AGBL1: variants seen among roughly 807,000 people sequenced by gnomAD.
AGBL1 encodes AGBL carboxypeptidase 1.
In AGBL1, 130 loss-of-function variants were observed where a neutral mutation model predicts 118.9. The observed-to-expected ratio is 1.09, with a 90% confidence interval of 0.95 to 1.26. The LOEUF (loss-of-function observed/expected upper bound fraction) is 1.26. Among genes scored for constraint, AGBL1 ranks in the 50% most tolerant of loss-of-function variants. The pLI, the probability that AGBL1 is intolerant of heterozygous loss-of-function variation, is 0.00. For synonymous variants in AGBL1, 555 were observed against 478.9 expected (o/e 1.16, Z -2.08); for missense variants, 1,584 against 1,298.1 (o/e 1.22, Z -3.38).
chr15:86,599,934 C>A (rs1234492152), intron 21 of AGBL1, among the ~76,000 whole-genome samples: 1 of 151,998 alleles, frequency 6.6e-6, no homozygotes, highest in Non-Finnish European at 1.5e-5. Flanking sequence ...ATAATAAAAA[C>A]CCCCATATTG....
chr15:86,088,063 C>G (rs1373214909), intron 1 of AGBL1: 1 of 152,300 alleles, frequency 6.6e-6, no homozygotes, highest in African/African-American at 2.4e-5. Context: ...GTTGCAACTA[C>G]TCAACCCTGC....
chr15:86,100,006 T>G (rs1450934898), intron 1 of AGBL1, among the ~76,000 whole-genome samples: 1 of 152,190 alleles, frequency 6.6e-6, no homozygotes, highest in Non-Finnish European at 1.5e-5. Context: ...GTGTTTCTTC[T>G]ATGTTTAATT....
chr15:86,346,715 C>A (rs2080543635), intron 17 of AGBL1, among the ~76,000 whole-genome samples: 1 of 152,154 alleles, frequency 6.6e-6, no homozygotes, highest in South Asian at 2.1e-4. Flanking sequence ...GCACTGCTGA[C>A]CTGGAAATCT....
In AGBL1 at chr15:86,244,181, C is replaced by T. The variant is rs535641105; in HGVS notation, c.527-3490C>T. Among the ~76,000 whole-genome samples the T allele has an allele frequency of 4.0e-5, 6 of 151,896 alleles. No individual in the cohort carries two copies. In the East Asian group the frequency reaches 5.8e-4, roughly 15 times the overall value. On this transcript the variant is annotated intron_variant, in intron 6 of 22. Coordinates refer to ENST00000614907, the MANE Select transcript of AGBL1 (RefSeq NM_001386094.1). ...TGTTTCAAGGAAAATCTTAGGAAAA[C>T]GCTGTTTATGTAAACAGACTATAGC... is the stretch of plus-strand genomic sequence containing the variant.
intron 18 of AGBL1, among the ~76,000 whole-genome samples, chr15:86,410,879 TATA>T (rs1251071061): frequency 4.6e-5 from 3 of 65,822 alleles, no homozygotes; most frequent in South Asian, 1.0e-3. Context: ...TAATATATAT[TATA>T]ATATATATTA....
At position 86,134,602 on chromosome 15, in the gene AGBL1, GCCTTTT is replaced by G. The variant is rs1366357421; in HGVS notation, c.52-7401_52-7396del. Among the ~76,000 whole-genome samples the G allele has an allele frequency of 2.1e-3, 264 of 127,002 alleles. 7 individuals are homozygous for G. The highest frequency in any genetic ancestry group is 0.013 in the East Asian group (55 of 4,194). The allele number at this position is 127,002 out of a possible 152,430, so 83.3% of individuals were successfully genotyped here. A position where few individuals can be genotyped will look rare whatever the true frequency, so the allele number is the denominator to read the frequency against. On this transcript the variant is annotated intron_variant, in intron 1 of 22. Transcript: ENST00000614907. ...TTTAAGACTGTGATGGATCAATGGT[GCCTTTT>G]TTTTTTTTTTTTTTTTTTTTTTTGA...
chr15:86,895,214 G>A (rs1275095969), intron 22 of AGBL1, among the ~76,000 whole-genome samples: 3 of 144,750 alleles, frequency 2.1e-5, no homozygotes, highest in Non-Finnish European at 4.5e-5. Context: ...TTTGTTTTTA[G>A]ATGTAAAACA....
chr15:86,556,177 G>C (rs777637959), intron 21 of AGBL1: 2 of 1,514,992 alleles, frequency 1.3e-6, no homozygotes, highest in Non-Finnish European at 9.1e-7. Context: ...GTTTGAAAAT[G>C]AAATGACTCA....
At chr15:86,301,504 A>C (rs966545634) in intron 17 of AGBL1, among the ~76,000 whole-genome samples, 1 of 152,116 alleles carries the variant, frequency 6.6e-6, no homozygotes, top group Non-Finnish European at 1.5e-5. Flanking sequence ...CTTTAATAAA[A>C]GAAGTCAGAG....
chr15:86,650,117 G>A (rs961635263), intron 21 of AGBL1, among the ~76,000 whole-genome samples: 4 of 152,114 alleles, frequency 2.6e-5, no homozygotes, highest in African/African-American at 9.7e-5. Context: ...TGTGGCACAG[G>A]GGGCATTTAG....
At chr15:86,283,403 A>G (rs934401197) in intron 16 of AGBL1, among the ~76,000 whole-genome samples, 1 of 151,238 alleles carries the variant, frequency 6.6e-6, no homozygotes, top group Non-Finnish European at 1.5e-5. Context: ...CTTAAAGGAT[A>G]GAGCAGAATT....
chr15:86,092,584 A>G (rs547601553), intron 1 of AGBL1, among the ~76,000 whole-genome samples: 15 of 152,142 alleles, frequency 9.9e-5, no homozygotes, highest in Middle Eastern at 3.2e-3. Flanking sequence ...AAACTCTGGT[A>G]TTTTTGCCTC....
intron 22 of AGBL1, among the ~76,000 whole-genome samples, chr15:86,890,265 G>A (rs1166068719): frequency 6.6e-6 from 1 of 152,008 alleles, no homozygotes; most frequent in Non-Finnish European, 1.5e-5. Context: ...AATTGTTTAA[G>A]TTCCTTGTAG....
chr15:86,831,084 T>C lies in AGBL1; in HGVS notation c.3159-76003T>C, dbSNP rs114789487. Among the ~76,000 whole-genome samples, 360 of 152,268 alleles carry C rather than the reference T, an allele frequency of 2.4e-3. 4 individuals are homozygous for C. The highest frequency in any genetic ancestry group is 8.3e-3 in the African/African-American group (343 of 41,562). ...GCATGTGCAGGAGACCTCTTCTATG[T>C]AACACCATCAGATCTCCTGAGACTT... On this transcript the variant is annotated intron_variant, in intron 22 of 22. Coordinates refer to ENST00000614907, the MANE Select transcript of AGBL1 (RefSeq NM_001386094.1).
intron 22 of AGBL1, among the ~76,000 whole-genome samples, chr15:86,876,966 C>G (rs2079818751): frequency 6.6e-6 from 1 of 152,106 alleles, no homozygotes; most frequent in Non-Finnish European, 1.5e-5. Context: ...AATAGCAATA[C>G]AATCCGTATT....
At chr15:86,658,448 C>T (rs543954600) in intron 21 of AGBL1, among the ~76,000 whole-genome samples, 1 of 152,140 alleles carries the variant, frequency 6.6e-6, no homozygotes, top group African/African-American at 2.4e-5. Flanking sequence ...GACTAATGGA[C>T]ACTGACACCT....
At chr15:86,413,502 G>A (rs1018514620) in intron 18 of AGBL1, among the ~76,000 whole-genome samples, 18 of 151,944 alleles carry the variant, frequency 1.2e-4, no homozygotes, top group Non-Finnish European at 2.4e-4. Flanking sequence ...GTCTATAAGT[G>A]GTCCCTTTTC....
At chr15:86,124,468 A>G (rs1898294475) in intron 1 of AGBL1, among the ~76,000 whole-genome samples, 1 of 152,212 alleles carries the variant, frequency 6.6e-6, no homozygotes, top group African/African-American at 2.4e-5. Context: ...CAATAACACA[A>G]CAGGTTATAA....
intron 18 of AGBL1, among the ~76,000 whole-genome samples, chr15:86,430,686 CAAAGA>C (rs1445375584): frequency 6.6e-6 from 1 of 152,066 alleles, no homozygotes; most frequent in Non-Finnish European, 1.5e-5. Flanking sequence ...GCTGTGGAAG[CAAAGA>C]AAAGGCACGC....
Sources: gnomAD v4.1 joint callset for allele counts (sites outside exome capture counted in the v4.1 genomes callset) on GRCh38, gnomAD v4.1.1 for gene constraint, MANE v1.5 for transcripts, NCBI Gene and HGNC (gene_info 2026-07-23, HGNC 2026-07-21) for gene names.